Variants in SH3PXD2A observed in about 807,000 individuals in gnomAD.
The protein encoded by SH3PXD2A is SH3 and PX domains 2A, also known as SH3 and PX domain-containing protein 2A.
Under a neutral mutation model 115.2 loss-of-function variants are expected in SH3PXD2A, and 32 were observed. The observed-to-expected ratio is 0.28, with a 90% CI of 0.21 to 0.37. SH3PXD2A has a LOEUF of 0.37. SH3PXD2A is among the 10% of genes least tolerant of loss of function. SH3PXD2A has a pLI of 1.00. For synonymous variants in SH3PXD2A, 610 were observed against 629.1 expected (o/e 0.97, Z 0.45); for missense variants, 1,328 against 1,498.7 (o/e 0.89, Z 1.88).
At chr10:103,650,224 T>A (rs986757401) in intron 8 of SH3PXD2A, among the ~76,000 whole-genome samples, 6 of 151,732 alleles carry the variant, frequency 4.0e-5, no homozygotes, top group Admixed American at 3.9e-4. Context: ...CTGCTCCCCC[T>A]CCTCCCCTCA....
chr10:103,786,625 A>C (rs1475644109), intron 2 of SH3PXD2A, among the ~76,000 whole-genome samples: 1 of 152,186 alleles, frequency 6.6e-6, no homozygotes, highest in Non-Finnish European at 1.5e-5. Flanking sequence ...TGATTGTACC[A>C]CTGCACTCCA....
intron 8 of SH3PXD2A, among the ~76,000 whole-genome samples, chr10:103,648,421 C>T (rs1367308601): frequency 6.6e-6 from 1 of 152,202 alleles, no homozygotes; most frequent in Non-Finnish European, 1.5e-5. Flanking sequence ...TAAAGTAATA[C>T]TTCTGGTTGT....
intron 1 of SH3PXD2A, among the ~76,000 whole-genome samples, chr10:103,807,176 T>G (rs773848676): frequency 1.3e-5 from 2 of 152,210 alleles, no homozygotes; most frequent in Admixed American, 6.5e-5. Flanking sequence ...TGTGGAGGGA[T>G]GTCCATGATT....
At position 103,801,357 on chromosome 10, in the gene SH3PXD2A, G is replaced by A. The variant is rs2039144935; in HGVS notation, c.78C>T (p.Tyr26=). ...KRRNPSKHYV[Y]IINVTWSDST... The stretch of plus-strand genomic sequence containing the variant: ...AGTCAGACCAGGTCACATTGATTAT[G>A]TATACCTGTGGGAAAAAGGTAAGAG... The change falls in exon 2 of 15, where the codon TAC becomes TAT. Residue 26 remains tyrosine, a synonymous_variant. Coordinates refer to ENST00000369774, the MANE Select transcript of SH3PXD2A (RefSeq NM_001394015.1). The A allele has an allele frequency of 6.2e-7, 1 of 1,602,616 alleles. No homozygotes were observed. The highest frequency in any genetic ancestry group is 1.1e-5 in the South Asian group (1 of 90,830).
intron 1 of SH3PXD2A, among the ~76,000 whole-genome samples, chr10:103,810,922 AG>A (rs2039262012): frequency 2.2e-4 from 3 of 13,946 alleles, no homozygotes; most frequent in Admixed American, 1.1e-3. Flanking sequence ...ACACACACGG[AG>A]ACACACACAT....
chr10:103,692,843 C>T (rs556814049), intron 6 of SH3PXD2A, among the ~76,000 whole-genome samples, 185 bp downstream of exon 6: 1 of 152,236 alleles, frequency 6.6e-6, no homozygotes, highest in South Asian at 2.1e-4. Flanking sequence ...GACCAAGGGT[C>T]TCAGGGGCCA....
In SH3PXD2A at chr10:103,668,618, C is replaced by A. The variant is rs866919000; in HGVS notation, c.462G>T (p.Lys154Asn). 6.4e-7 allele frequency: 1 copy of A among 1,557,058 alleles called. No individual in the cohort carries two copies. The highest frequency in any genetic ancestry group is 2.4e-5 in the East Asian group (1 of 41,820). ...WLSSWAESPK[K>N]DVTGADATAE... ...CACGCTGGGCAGTACCTGTCACGTC[C>A]TTCTTGGGCGACTCAGCCCAGCTGG... The change falls in exon 7 of 15, where the codon AAG becomes AAT. Residue 154 changes from lysine to asparagine, a missense_variant. Transcript: ENST00000369774.
At chr10:103,731,866 G>C (rs75201469) in intron 4 of SH3PXD2A, among the ~76,000 whole-genome samples, 3 of 152,158 alleles carry the variant, frequency 2.0e-5, no homozygotes, top group East Asian at 1.9e-4. Flanking sequence ...AAGTGCAGAG[G>C]GGGAGGGTCA....
chr10:103,733,909 C>T lies in SH3PXD2A; in HGVS notation c.306+1823G>A, dbSNP rs113228396. The stretch of plus-strand genomic sequence containing the variant: ...CCTCAACTACAGGTGTGTGCTACCA[C>T]GCCTGGCTAATTTTAAACTTTTTTT... On this transcript the variant is annotated intron_variant, in intron 4 of 14. Transcript: ENST00000369774. Among the ~76,000 whole-genome samples the T allele has an allele frequency of 8.2e-3, 1,221 of 148,832 alleles. 11 individuals are homozygous for T. Among genetic ancestry groups the T allele is most frequent in the Non-Finnish European group, 0.012 (833 of 67,632 alleles).
rs905220170 is a variant in SH3PXD2A, at chr10:103,666,813, A to G, written c.472+1795T>C. ...GGAGGGAATGGGAGATCTGAGGAGC[A>G]GCAAAGCTGTTGGTTCCTTCGTGGG... On this transcript the variant is annotated intron_variant, in intron 7 of 14. Transcript: ENST00000369774. The surrounding 1 kb of genome is among the most constrained non-coding windows in gnomAD (Gnocchi z 4.5). Among the ~76,000 whole-genome samples the G allele has an allele frequency of 2.0e-5, 3 of 152,220 alleles. No homozygotes were observed. The highest frequency in any genetic ancestry group is 2.9e-5 in the Non-Finnish European group (2 of 68,032).
chr10:103,800,900 T>G (rs1051069022), intron 2 of SH3PXD2A, among the ~76,000 whole-genome samples: 5 of 152,234 alleles, frequency 3.3e-5, no homozygotes, highest in African/African-American at 1.2e-4. Context: ...CCTGAGTGTT[T>G]GCTTTTCTTT....
At chr10:103,833,397 C>G (rs1007379907) in intron 1 of SH3PXD2A, among the ~76,000 whole-genome samples, 2 of 152,002 alleles carry the variant, frequency 1.3e-5, no homozygotes, top group Admixed American at 6.6e-5. Context: ...CCTAACCTGT[C>G]TTATTTATTA....
chr10:103,711,127 G>C (rs2038041802), intron 5 of SH3PXD2A, among the ~76,000 whole-genome samples: 1 of 152,214 alleles, frequency 6.6e-6, no homozygotes, highest in Admixed American at 6.5e-5. Context: ...TGAGTCCAAG[G>C]CCACCTCCCT....
chr10:103,768,920 A>T (rs2038786743), intron 2 of SH3PXD2A, among the ~76,000 whole-genome samples: 1 of 152,108 alleles, frequency 6.6e-6, no homozygotes, highest in South Asian at 2.1e-4. Context: ...ACAGGGCGAG[A>T]CAGGAAGCAG....
At chr10:103,613,254 C>T in intron 11 of SH3PXD2A, 64 bp from the exon 12 acceptor site, 1 of 1,315,036 alleles carries the variant, frequency 7.6e-7, no homozygotes, top group Non-Finnish European at 1.0e-6. Flanking sequence ...ACTCCCAGGC[C>T]CTAGGATCCA....
chr10:103,603,443 G>T lies in SH3PXD2A; in HGVS notation c.1775C>A (p.Pro592His). Residue 592 changes from proline to histidine, a missense_variant, in exon 15 of 15, where the codon CCC becomes CAC. By Grantham distance (77) the Pro-to-His change is moderately conservative. Around this residue, in one of 5 missense-constraint regions of SH3PXD2A, gnomAD observed 509 missense variants for 628.3 expected, o/e 0.81. Coordinates refer to ENST00000369774, the MANE Select transcript of SH3PXD2A (RefSeq NM_001394015.1). ...GERRPAQPHR[P>H]SPASSLQRAR... ...CCGCTGCAGAGAAGAGGCCGGCGAG[G>T]GCCGGTGGGGCTGGGCAGGCCGCCT... The T allele has an allele frequency of 2.5e-6, 4 of 1,613,354 alleles. No homozygotes were observed. Among genetic ancestry groups the T allele is most frequent in the Non-Finnish European group, 3.4e-6 (4 of 1,179,650 alleles).
chr10:103,785,651 C>T (rs745896764), intron 2 of SH3PXD2A, among the ~76,000 whole-genome samples: 3 of 152,080 alleles, frequency 2.0e-5, no homozygotes, highest in Non-Finnish European at 2.9e-5. Flanking sequence ...CCAAAAGGCG[C>T]GTCTGTACGT....
At chr10:103,671,949 C>A (rs1034749260) in intron 6 of SH3PXD2A, among the ~76,000 whole-genome samples, 1 of 152,216 alleles carries the variant, frequency 6.6e-6, no homozygotes, top group Non-Finnish European at 1.5e-5. Context: ...TGCACCCTGG[C>A]TCTTGCTGAG....
intron 2 of SH3PXD2A, among the ~76,000 whole-genome samples, chr10:103,782,937 G>C (rs4918051): frequency 0.76 from 106,914 of 140,300 alleles, 39,672 homozygotes; most frequent in South Asian, 0.87. Context: ...ATGCCTTGGG[G>C]GGGGGGGCTC....
Sources: gnomAD v4.1 joint callset for allele counts (sites outside exome capture counted in the v4.1 genomes callset) on GRCh38, gnomAD v4.1.1 for gene constraint, gnomAD v4.1.1 regional missense constraint, Gnocchi (gnomAD v3.1) non-coding constraint, MANE v1.5 for transcripts, NCBI Gene and HGNC (gene_info 2026-07-23, HGNC 2026-07-21) for gene names.